Variants in UBXN4 observed in about 807,000 individuals in gnomAD.
The protein encoded by UBXN4 is UBX domain-containing protein 4.
Under a neutral mutation model 66.2 loss-of-function variants are expected in UBXN4, and 35 were observed. That is an observed-to-expected ratio of 0.53 (90% CI 0.40 to 0.70). The LOEUF (loss-of-function observed/expected upper bound fraction) is 0.70, where lower values mean the gene tolerates loss of function less well. Among genes scored for constraint, UBXN4 ranks in the 30% least tolerant of loss-of-function variants. The pLI is 0.00. For synonymous variants in UBXN4, 203 were observed against 204.5 expected, an observed-to-expected ratio of 0.99 and a Z score of 0.06; for missense variants, 533 against 599.8, an observed-to-expected ratio of 0.89 and a Z score of 1.16.
chr2:135,763,088 CT>C (rs2077325169), intron 6 of UBXN4, among the ~76,000 whole-genome samples: 1 of 152,320 alleles, frequency 6.6e-6, no homozygotes, highest in Non-Finnish European at 1.5e-5. Flanking sequence ...AGCTGAGATC[CT>C]GCATTTTATT....
intron 8 of UBXN4, among the ~76,000 whole-genome samples, chr2:135,771,497 A>G (rs1485163845): frequency 6.6e-6 from 1 of 152,124 alleles, no homozygotes; most frequent in Admixed American, 6.5e-5. Flanking sequence ...AAAGAAAGAA[A>G]AAAAGCCATC....
chr2:135,745,456 G>A (rs768436473), intron 1 of UBXN4, among the ~76,000 whole-genome samples: 20 of 152,050 alleles, frequency 1.3e-4, no homozygotes, highest in Non-Finnish European at 1.9e-4. Context: ...CTGTAATTAC[G>A]TATAGTGTCT....
At chr2:135,760,395 C>T (rs550256891) in intron 5 of UBXN4, among the ~76,000 whole-genome samples, 3 of 152,108 alleles carry the variant, frequency 2.0e-5, no homozygotes, top group African/African-American at 7.2e-5. Flanking sequence ...CATGCCACTG[C>T]TCTCCAGCCT....
intron 1 of UBXN4, among the ~76,000 whole-genome samples, chr2:135,745,555 C>T (rs1246373761): frequency 6.6e-6 from 1 of 152,104 alleles, no homozygotes; most frequent in Non-Finnish European, 1.5e-5. Context: ...GTATACAGTT[C>T]AATGCCTAGA....
chr2:135,769,929 C>T, intron 7 of UBXN4, 106 bp downstream of exon 7: 1 of 848,714 alleles, frequency 1.2e-6, no homozygotes, highest in South Asian at 2.4e-5. Flanking sequence ...AGTTTTAGTT[C>T]AGTGTTGCAG....
At chr2:135,753,641 G>A in intron 3 of UBXN4, 74 bp downstream of exon 3, 2 of 1,225,344 alleles carry the variant, frequency 1.6e-6, no homozygotes, top group South Asian at 3.5e-5. Flanking sequence ...ATGAAATTTA[G>A]AAATTATTCA....
chr2:135,753,532 T>C lies in UBXN4; in HGVS notation c.186-7T>C. The C allele has an allele frequency of 2.0e-6, 3 of 1,524,428 alleles. No individual in the cohort carries two copies. The highest frequency in any genetic ancestry group is 2.6e-6 in the Non-Finnish European group (3 of 1,149,106). The allele number at this position is 1,524,428 out of a possible 1,614,324, so 94.4% of individuals were successfully genotyped here. On this transcript the variant is annotated splice_region_variant and splice_polypyrimidine_tract_variant and intron_variant, in intron 2 of 12. Transcript: ENST00000272638. ...ATCTAGTGATTTTGTTTGATTTTGT[T>C]TTACAGTGAAGCCTGCCTACAGTTT...
chr2:135,743,859 T>TTG (rs1216860499), intron 1 of UBXN4, among the ~76,000 whole-genome samples: 3 of 100,812 alleles, frequency 3.0e-5, no homozygotes, highest in African/African-American at 5.2e-5. Flanking sequence ...TTTCGGGGTT[T>TTG]TGTGTATATA....
Position 135,753,852 on chromosome 2 carries a change from TA to T in UBXN4, c.214+286del, listed in dbSNP as rs201495934. Reference sequence around the variant, plus strand: ...TAAAATGTGAATATCTGAAAAACAATATAGATCAGTTGGGTTGGAATGTTAC... The same window carrying T: ...TAAAATGTGAATATCTGAAAAACAATTAGATCAGTTGGGTTGGAATGTTAC... On this transcript the variant is annotated intron_variant, in intron 3 of 12. Transcript: ENST00000272638. The T allele has an allele frequency of 2.0e-3, 897 of 447,852 alleles. 12 individuals are homozygous for T. The East Asian group carries it at 0.026, about 13-fold the overall frequency. The allele number at this position is 447,852 out of a possible 1,614,324, so 27.7% of individuals were successfully genotyped here.
At chr2:135,772,379 T>G (rs1430677754) in intron 8 of UBXN4, 41 bp from the exon 9 acceptor site, 8 of 1,599,508 alleles carry the variant, frequency 5.0e-6, no homozygotes, top group Non-Finnish European at 5.1e-6. Flanking sequence ...AATTAACCAT[T>G]CTGGCAGTAA....
rs551969034 is a variant in UBXN4, at chr2:135,776,492, G to A, written c.1053+141G>A. The A allele has an allele frequency of 9.4e-6, 6 of 637,098 alleles. No individual in the cohort carries two copies. The African/African-American group carries it at 1.1e-4, about 12-fold the overall frequency. The allele number at this position is 637,098 out of a possible 1,614,324, so 39.5% of individuals were successfully genotyped here. On this transcript the variant is annotated intron_variant, in intron 10 of 12. Coordinates refer to ENST00000272638, the MANE Select transcript of UBXN4 (RefSeq NM_014607.4). ...AGGCACAAGACGCCTCTGAGATATT[G>A]TGGAAATTCTGTCGGGTGTTAGTGC...
chr2:135,779,338 TAGG>T (rs1351662095), intron 11 of UBXN4, among the ~76,000 whole-genome samples: 20 of 152,080 alleles, frequency 1.3e-4, no homozygotes, highest in African/African-American at 4.6e-4. Context: ...AAATGACCAA[TAGG>T]AGAAGACAGT....
At chr2:135,758,696 A>G (rs1229163071) in intron 5 of UBXN4, among the ~76,000 whole-genome samples, 1 of 152,106 alleles carries the variant, frequency 6.6e-6, no homozygotes, top group Admixed American at 6.6e-5. Context: ...ATATTTCAAT[A>G]TGTATCTCTA....
chr2:135,780,153 C>T (rs2077440808), intron 11 of UBXN4, 30 bp from the exon 12 acceptor site: 1 of 1,608,972 alleles, frequency 6.2e-7, no homozygotes, highest in Admixed American at 1.7e-5. Context: ...CTAACGTAGT[C>T]TTTATCTAGG....
intron 5 of UBXN4, among the ~76,000 whole-genome samples, chr2:135,760,753 A>G (rs2077310437): frequency 6.6e-6 from 1 of 152,208 alleles, no homozygotes; most frequent in Non-Finnish European, 1.5e-5. Context: ...CTTCTTATCC[A>G]AGAGTTGCAT....
At chr2:135,769,681 A>G (rs1203439600) in intron 6 of UBXN4, 88 bp from the exon 7 acceptor site, 4 of 987,136 alleles carry the variant, frequency 4.1e-6, no homozygotes, top group South Asian at 2.0e-5. Context: ...TATTTCTCCA[A>G]TTGTTTTAGC....
intron 9 of UBXN4, among the ~76,000 whole-genome samples, chr2:135,772,986 G>A (rs57130884): frequency 0.12 from 17,003 of 137,630 alleles, 1,697 homozygotes; most frequent in African/African-American, 0.27. Context: ...GCAGTGAGCC[G>A]AGATTGCGCC....
chr2:135,742,775 G>A (rs1187990530), intron 1 of UBXN4: 6 of 152,020 alleles, frequency 3.9e-5, no homozygotes, highest in African/African-American at 1.4e-4. Flanking sequence ...CTTTATGGCA[G>A]TCTTGGTAGG....
At chr2:135,755,137 G>T (rs2077271876) in intron 4 of UBXN4, among the ~76,000 whole-genome samples, 1 of 152,202 alleles carries the variant, frequency 6.6e-6, no homozygotes, top group Non-Finnish European at 1.5e-5. Context: ...TTTGTTGAAA[G>T]AGAAAGTTGC....
Sources: gnomAD v4.1 joint callset for allele counts (sites outside exome capture counted in the v4.1 genomes callset) on GRCh38, gnomAD v4.1.1 for gene constraint, MANE v1.5 for transcripts, NCBI Gene and HGNC (gene_info 2026-07-23, HGNC 2026-07-21) for gene names.